The following URB2 variants were observed in gnomAD, a reference collection of about 807,000 sequenced individuals.
The protein encoded by URB2 is URB2 ribosome biogenesis homolog.
Under a neutral mutation model 120.9 loss-of-function variants are expected in URB2, and 86 were observed. The ratio of observed to expected loss-of-function variants is 0.71; its 90% CI spans 0.60 to 0.85. The LOEUF is 0.85. Ranked by LOEUF, URB2 falls within the 40% of genes least tolerant of loss-of-function variation. The pLI is 0.00. For synonymous variants in URB2, 755 were observed against 758.4 expected, an observed-to-expected ratio of 1.00 and a Z score of 0.07; for missense variants, 1,765 against 1,836.5, an observed-to-expected ratio of 0.96 and a Z score of 0.71.
intron 3 of URB2, 103 bp from the exon 4 acceptor site, chr1:229,634,814 T>G: frequency 9.3e-7 from 1 of 1,071,752 alleles, no homozygotes; most frequent in Non-Finnish European, 1.3e-6. Context: ...CTTACCAAGA[T>G]GAGGGAAAGG....
intron 9 of URB2, among the ~76,000 whole-genome samples, chr1:229,655,083 C>G (rs1327158747): frequency 6.6e-6 from 1 of 152,194 alleles, no homozygotes; most frequent in Non-Finnish European, 1.5e-5. Flanking sequence ...CGGTGTGTCA[C>G]TCATGTGACT....
chr1:229,657,601 T>C (rs1666434036), intron 9 of URB2, among the ~76,000 whole-genome samples: 2 of 152,210 alleles, frequency 1.3e-5, no homozygotes. Context: ...TCAAGGACTT[T>C]GTGTTTTTGT....
In URB2 at chr1:229,635,266, C is replaced by T. The variant is rs146508738; in HGVS notation, c.653C>T (p.Thr218Met). The change falls in exon 4 of 10, where the codon ACG (threonine) becomes ATG (methionine). Residue 218 changes from threonine (T) to methionine (M), a missense_variant. Thr to Met is a moderately conservative substitution (Grantham distance 81). Transcript: ENST00000258243. ...CACTTACTCTCTGGGGGCACATGGA[C>T]GCAGGCTGGCCAGGGCCAGCTGAGG... ...LRHLLSGGTWTQAGQGQLRQV... is the reference protein window; with the variant it reads ...LRHLLSGGTWMQAGQGQLRQV... 2,608 of 1,614,186 alleles carry T rather than the reference C, an allele frequency of 1.6e-3. 3 individuals are homozygous for T. The highest frequency in any genetic ancestry group is 3.5e-3 in the Middle Eastern group (21 of 6,062).
chr1:229,637,279 A>T lies in URB2; in HGVS notation c.2666A>T (p.Glu889Val). ...KSDFPIQLEG[E>V]QLESILGLLE... is the part of the protein sequence containing the mutation. ...GACTTCCCTATCCAGCTGGAGGGAG[A>T]GCAGTTGGAAAGCATCCTGGGGCTT... Residue 889 changes from glutamate to valine, a missense_variant, in exon 4 of 10, where the codon GAG (glutamate) becomes GTG (valine). Coordinates refer to ENST00000258243, the MANE Select transcript of URB2 (RefSeq NM_014777.4). 3 of 1,614,152 alleles carry T rather than the reference A, an allele frequency of 1.9e-6. No homozygotes were observed. Among genetic ancestry groups the T allele is most frequent in the Non-Finnish European group, 2.5e-6 (3 of 1,180,024 alleles).
At chr1:229,631,654 G>C (rs1305791563) in intron 2 of URB2, among the ~76,000 whole-genome samples, 1 of 152,144 alleles carries the variant, frequency 6.6e-6, no homozygotes, top group Admixed American at 6.5e-5. Context: ...AGCCCGTCAG[G>C]GTAATAGCAT....
At chr1:229,626,883 C>G (rs558286648) in intron 1 of URB2, among the ~76,000 whole-genome samples, 1 of 152,328 alleles carries the variant, frequency 6.6e-6, no homozygotes, top group South Asian at 2.1e-4. Context: ...CGTTCTTGTT[C>G]TCTGCAGTAG....
chr1:229,653,919 T>C (rs1376955068), intron 8 of URB2, among the ~76,000 whole-genome samples: 3 of 149,906 alleles, frequency 2.0e-5, no homozygotes, highest in Non-Finnish European at 3.0e-5. Context: ...GCCTTTATTA[T>C]AGAACTCCAT....
In URB2 at chr1:229,637,760, C is replaced by A; in HGVS notation, c.3147C>A (p.Asn1049Lys). ...AASSKQLENQ[N>K]PQGRQLLLVS... ...CAAGCAAACAATTAGAAAATCAGAA[C>A]CCCCAGGGCAGGCAGCTCCTTCTGG... Residue 1049 changes from asparagine (N) to lysine (K), a missense_variant, in exon 4 of 10, where the codon AAC becomes AAA. Coordinates refer to ENST00000258243, the MANE Select transcript of URB2 (RefSeq NM_014777.4). 6.2e-7 allele frequency: 1 copy of A among 1,614,090 alleles called. No individual in the cohort carries two copies. The highest frequency in any genetic ancestry group is 8.5e-7 in the Non-Finnish European group (1 of 1,180,024).
chr1:229,658,156 A>G lies in URB2; in HGVS notation c.4378-944A>G, dbSNP rs370652861. The stretch of plus-strand genomic sequence containing the variant: ...CCACCATCTGTTCCCAGAACTGTTC[A>G]TTACTACTGCTTTTTAGTTTCAGTT... On this transcript the variant is annotated intron_variant, in intron 9 of 9. Transcript: ENST00000258243. 5.0e-4 allele frequency among the ~76,000 whole-genome samples: 76 copies of G among 152,312 alleles called. No homozygotes were observed. The East Asian group carries it at 0.013, about 27-fold the overall frequency.
Position 229,635,807 on chromosome 1 carries a change from A to C in URB2, c.1194A>C (p.Ile398=). 6.2e-7 allele frequency: 1 copy of C among 1,614,164 alleles called. No homozygotes were observed. The highest frequency in any genetic ancestry group is 1.1e-5 in the South Asian group (1 of 91,078). ...RFYRHVAELL[I]NHAQAPIPAW... ...ACCGCCACGTGGCTGAGCTGCTGAT[A>C]AACCATGCACAAGCACCCATACCGG... is the stretch of plus-strand genomic sequence containing the variant. The change falls in exon 4 of 10, where the codon ATA becomes ATC. Residue 398 remains isoleucine (I), a synonymous_variant. Coordinates refer to ENST00000258243, the MANE Select transcript of URB2 (RefSeq NM_014777.4).
rs1166130057 is a variant in URB2, at chr1:229,628,245, C to CATATACATATTATATATGTATAT, written c.126+488_126+510dup. On this transcript the variant is annotated intron_variant, in intron 2 of 9. Coordinates refer to ENST00000258243, the MANE Select transcript of URB2 (RefSeq NM_014777.4). ...ATATTATATATGTATATATATTATA[C>CATATACATATTATATATGTATAT]ATATACATATTATATATGTATATAA... Among the ~76,000 whole-genome samples the CATATACATATTATATATGTATAT allele has an allele frequency of 3.1e-4, 45 of 144,054 alleles. No homozygotes were observed. In the South Asian group the frequency reaches 5.8e-3, roughly 18 times the overall value. The allele number at this position is 144,054 out of a possible 152,430, so 94.5% of individuals were successfully genotyped here.
At chr1:229,647,791 T>G (rs1353151595) in intron 7 of URB2, 39 bp downstream of exon 7, 18 of 1,599,990 alleles carry the variant, frequency 1.1e-5, no homozygotes, top group Non-Finnish European at 1.5e-5. Flanking sequence ...GCTTTTCCTC[T>G]GCGAGCAGGG....
At position 229,637,152 on chromosome 1, in the gene URB2, A is replaced by C. The variant is rs116500601; in HGVS notation, c.2539A>C (p.Met847Leu). ...QLPWLFEKDH[M>L]VVGHWENRFA... ...TCCCTGGCTTTTTGAAAAGGACCAC[A>C]TGGTTGTGGGTCATTGGGAAAACAG... The change falls in exon 4 of 10, where the codon ATG (methionine) becomes CTG (leucine). Residue 847 changes from methionine to leucine, a missense_variant. Physicochemically the swap from Met to Leu is conservative, Grantham distance 15. Coordinates refer to ENST00000258243, the MANE Select transcript of URB2 (RefSeq NM_014777.4). 1.3e-3 allele frequency: 2,044 copies of C among 1,613,782 alleles called. 31 individuals carry two copies. In the African/African-American group the frequency reaches 0.023, roughly 18 times the overall value.
At chr1:229,641,904 G>A (rs892328196) in intron 4 of URB2, among the ~76,000 whole-genome samples, 4 of 152,216 alleles carry the variant, frequency 2.6e-5, no homozygotes, top group South Asian at 2.1e-4. Flanking sequence ...CAACTACTCC[G>A]AAGGCTGAGG....
rs766456989 is a variant in URB2, at chr1:229,647,600, G to C, written c.3997G>C (p.Gly1333Arg). 1.9e-5 allele frequency: 31 copies of C among 1,614,084 alleles called. No homozygotes were observed. Among genetic ancestry groups the C allele is most frequent in the Non-Finnish European group, 2.5e-5 (30 of 1,180,056 alleles). ...TGTCCTGGCTGCACTGCTGCGGCAGGGGGAGGAGGCCATCGGCAACCCCCA... is the reference window on the plus strand; with the variant it reads ...TGTCCTGGCTGCACTGCTGCGGCAGCGGGAGGAGGCCATCGGCAACCCCCA... The part of the protein sequence containing the change: ...LDVLAALLRQ[G>R]EEAIGNPHHV... Residue 1333 changes from glycine to arginine, a missense_variant, in exon 7 of 10, where the codon GGG becomes CGG. Gly to Arg is a moderately radical substitution (Grantham distance 125). Coordinates refer to ENST00000258243, the MANE Select transcript of URB2 (RefSeq NM_014777.4).
chr1:229,628,141 T>C (rs1033531135), intron 2 of URB2, among the ~76,000 whole-genome samples: 1 of 119,406 alleles, frequency 8.4e-6, no homozygotes, highest in South Asian at 2.4e-4. Flanking sequence ...ATATAATATA[T>C]ATATAATATA....
At position 229,637,883 on chromosome 1, in the gene URB2, G is replaced by C; in HGVS notation, c.3270G>C (p.Gln1090His). ...APAALSELLQ[Q>H]VVLQTGAVLQ... is the part of the protein sequence containing the mutation. Reference sequence around the variant, plus strand: ...CAGCACTGTCTGAGCTGCTGCAGCAGGTTGTGCTGCAGACAGGAGCTGTGC... The same window carrying C: ...CAGCACTGTCTGAGCTGCTGCAGCACGTTGTGCTGCAGACAGGAGCTGTGC... The change falls in exon 4 of 10, where the codon CAG becomes CAC. Residue 1090 changes from glutamine (Q) to histidine (H), a missense_variant. Transcript: ENST00000258243. The C allele has an allele frequency of 3.7e-6, 6 of 1,600,402 alleles. No homozygotes were observed. The South Asian group carries it at 4.5e-5, about 12-fold the overall frequency.
At chr1:229,640,922 G>A (rs1368846093) in intron 4 of URB2, among the ~76,000 whole-genome samples, 1 of 151,940 alleles carries the variant, frequency 6.6e-6, no homozygotes, top group Non-Finnish European at 1.5e-5. Flanking sequence ...GGCAGCTGGT[G>A]GTCTGAAGCT....
chr1:229,638,441 C>T (rs113291692), intron 4 of URB2, among the ~76,000 whole-genome samples, 194 bp downstream of exon 4: 6 of 151,934 alleles, frequency 3.9e-5, no homozygotes, highest in East Asian at 1.9e-4. Flanking sequence ...GCCAGGAGAT[C>T]GAGACCATCC....
Sources: allele counts gnomAD v4.1 joint callset (sites outside exome capture counted in the v4.1 genomes callset), GRCh38; gene constraint gnomAD v4.1.1; transcripts MANE v1.5; gene names NCBI Gene and HGNC (gene_info 2026-07-23, HGNC 2026-07-21).